Variants in EPHA3 observed in about 807,000 individuals in gnomAD.
EPHA3 encodes EPH receptor A3.
Under a neutral mutation model 107.1 loss-of-function variants are expected in EPHA3, and 42 were observed. The ratio of observed to expected loss-of-function variants is 0.39; its 90% CI spans 0.31 to 0.51. The LOEUF is 0.51. Ranked by LOEUF, EPHA3 falls within the 20% of genes least tolerant of loss-of-function variation. The probability of loss-of-function intolerance (pLI) is 0.78; values close to 1 mark genes in which losing one functional copy is unlikely to be tolerated. For missense variants in EPHA3, 1,183 were observed against 1,211.2 expected (o/e 0.98, Z 0.35); for synonymous variants, 461 against 424.8 (o/e 1.09, Z -1.05).
At position 89,450,389 on chromosome 3, in the gene EPHA3, T is replaced by A. The variant is rs2107555607; in HGVS notation, c.2690+19T>A. The A allele has an allele frequency of 6.3e-7, 1 of 1,595,752 alleles. No individual in the cohort carries two copies. The highest frequency in any genetic ancestry group is 1.1e-5 in the South Asian group (1 of 88,184). ...CCGCAAGGTGACACATTCAATTTGT[T>A]ATCTGGCATTCACTCTGAAATTTGT... On this transcript the variant is annotated intron_variant, in intron 15 of 16. Coordinates refer to ENST00000336596, the MANE Select transcript of EPHA3 (RefSeq NM_005233.6).
rs138871824 is a variant in EPHA3, at chr3:89,345,050, G to A, written c.1306+2960G>A. ...TTGCTGCTTTTTGTTTTCTTTCACA[G>A]AATGAGTATATTCATCTTTTTTTTT... On this transcript the variant is annotated intron_variant, in intron 5 of 16. Coordinates refer to ENST00000336596, the MANE Select transcript of EPHA3 (RefSeq NM_005233.6). Among the ~76,000 whole-genome samples, 44 of 151,200 alleles carry A rather than the reference G, an allele frequency of 2.9e-4. 1 individual carries two copies. The highest frequency in any genetic ancestry group is 5.2e-4 in the Non-Finnish European group (35 of 67,506).
In EPHA3 at chr3:89,215,217, G is replaced by A. The variant is rs543265928; in HGVS notation, c.814+4697G>A. Among the ~76,000 whole-genome samples, 5 of 152,006 alleles carry A rather than the reference G, an allele frequency of 3.3e-5. 1 individual carries two copies. Among genetic ancestry groups the A allele is most frequent in the African/African-American group, 1.2e-4 (5 of 41,554 alleles). On this transcript the variant is annotated intron_variant, in intron 3 of 16. Coordinates refer to ENST00000336596, the MANE Select transcript of EPHA3 (RefSeq NM_005233.6). ...TAAAGGCAGTGGAGAAGCAGTATAA[G>A]TTGTTTGAAGTATATGTCAAATGTG...
chr3:89,146,454 C>A (rs1317964530), intron 2 of EPHA3, among the ~76,000 whole-genome samples: 1 of 151,948 alleles, frequency 6.6e-6, no homozygotes. Flanking sequence ...TGAGAAGTGT[C>A]TGTTCATATC....
At chr3:89,426,512 C>A (rs2107532485) in intron 11 of EPHA3, among the ~76,000 whole-genome samples, 1 of 151,886 alleles carries the variant, frequency 6.6e-6, no homozygotes, top group South Asian at 2.1e-4. Flanking sequence ...TACCTGAATT[C>A]TAGAGTTAAA....
At chr3:89,360,824 A>C (rs1361860702) in intron 5 of EPHA3, among the ~76,000 whole-genome samples, 1 of 151,178 alleles carries the variant, frequency 6.6e-6, no homozygotes, top group Admixed American at 6.6e-5. Flanking sequence ...GTCATAACTA[A>C]TCAAATTTCC....
chr3:89,476,612 T>G (rs1183964974), intron 16 of EPHA3, among the ~76,000 whole-genome samples: 4 of 146,578 alleles, frequency 2.7e-5, no homozygotes, highest in Non-Finnish European at 6.0e-5. Flanking sequence ...TTTATTTATT[T>G]ATTTAATTTT....
intron 2 of EPHA3, among the ~76,000 whole-genome samples, chr3:89,197,972 T>A (rs1705885273): frequency 6.6e-6 from 1 of 151,970 alleles, no homozygotes; most frequent in East Asian, 1.9e-4. Context: ...CAAGACCCTG[T>A]CTCAAAAAAA....
At chr3:89,247,169 G>C (rs1463385370) in intron 3 of EPHA3, among the ~76,000 whole-genome samples, 1 of 152,108 alleles carries the variant, frequency 6.6e-6, no homozygotes, top group Non-Finnish European at 1.5e-5. Flanking sequence ...ATAGGGAGAA[G>C]ACAAATAAAG....
At chr3:89,109,402 C>G (rs73142568) in intron 1 of EPHA3, among the ~76,000 whole-genome samples, 3,213 of 151,936 alleles carry the variant, frequency 0.021, 56 homozygotes, top group Middle Eastern at 0.045. Context: ...TTGTTCTTTG[C>G]AGATATTAAA....
chr3:89,413,012 A>G (rs1478297843), intron 9 of EPHA3, 129 bp from the exon 10 acceptor site: 5 of 1,223,184 alleles, frequency 4.1e-6, no homozygotes, highest in Non-Finnish European at 5.7e-6. Context: ...GTGATACTAC[A>G]GAATAAACTG....
intron 2 of EPHA3, among the ~76,000 whole-genome samples, chr3:89,156,463 T>G (rs1344931884): frequency 6.6e-6 from 1 of 152,086 alleles, no homozygotes; most frequent in African/African-American, 2.4e-5. Flanking sequence ...TAACATGTGC[T>G]TCTTCTCTTA....
chr3:89,439,379 G>A (rs1709737836), intron 13 of EPHA3, among the ~76,000 whole-genome samples: 1 of 152,106 alleles, frequency 6.6e-6, no homozygotes, highest in African/African-American at 2.4e-5. Flanking sequence ...GGTCGCTTGA[G>A]CCCAGGAGGT....
chr3:89,293,208 T>C (rs1237499499), intron 3 of EPHA3, among the ~76,000 whole-genome samples: 2 of 152,146 alleles, frequency 1.3e-5, no homozygotes, highest in Admixed American at 6.6e-5. Flanking sequence ...TTTTAAACTA[T>C]GGAATTTTGA....
intron 1 of EPHA3, among the ~76,000 whole-genome samples, chr3:89,112,482 T>A (rs1288674098): frequency 1.3e-5 from 2 of 152,102 alleles, no homozygotes; most frequent in Admixed American, 6.5e-5. Context: ...TTTTCCACAA[T>A]AAATTTCTTT....
rs1205100351 is a variant in EPHA3 at position 89,292,757 on chromosome 3, A to G, written c.815-48159A>G. Among the ~76,000 whole-genome samples, 3 of 152,182 alleles carry G rather than the reference A, an allele frequency of 2.0e-5. No individual in the cohort carries two copies. The East Asian group carries it at 5.8e-4, about 29-fold the overall frequency. ...TTTTCCTCTTACACACACACATAGA[A>G]AATGACTACTGAAGTTTATTACAAA... On this transcript the variant is annotated intron_variant, in intron 3 of 16. Transcript: ENST00000336596.
At chr3:89,352,902 CAAAAAAAAAA>C (rs1215369952) in intron 5 of EPHA3, among the ~76,000 whole-genome samples, 4 of 41,030 alleles carry the variant, frequency 9.7e-5, no homozygotes, top group Admixed American at 2.3e-4. Flanking sequence ...GACTCTGTCT[CAAAAAAAAAA>C]AAAAAAAAAA....
intron 3 of EPHA3, among the ~76,000 whole-genome samples, chr3:89,278,431 C>T (rs1036426466): frequency 6.6e-6 from 1 of 152,058 alleles, no homozygotes; most frequent in East Asian, 1.9e-4. Context: ...TAAATGAAAA[C>T]GTTTGCAACA....
chr3:89,418,708 C>T (rs1709297869), intron 10 of EPHA3, among the ~76,000 whole-genome samples: 1 of 151,362 alleles, frequency 6.6e-6, no homozygotes, highest in South Asian at 2.1e-4. Context: ...CACCAATACT[C>T]CAATAAAATA....
intron 3 of EPHA3, among the ~76,000 whole-genome samples, chr3:89,261,669 A>G (rs1449123428): frequency 6.6e-6 from 1 of 152,218 alleles, no homozygotes; most frequent in East Asian, 1.9e-4. Context: ...TAGAGCATGT[A>G]CCCAGAAAAT....
Sources: gnomAD v4.1 joint callset for allele counts (sites outside exome capture counted in the v4.1 genomes callset) on GRCh38, gnomAD v4.1.1 for gene constraint, MANE v1.5 for transcripts, NCBI Gene and HGNC (gene_info 2026-07-23, HGNC 2026-07-21) for gene names.